The following TRARG1 variants were observed in gnomAD, a reference collection of about 807,000 sequenced individuals.
TRARG1 encodes trafficking regulator of GLUT4 (SLC2A4) 1 (gene/pseudogene).
In TRARG1, 16 loss-of-function variants were observed where a neutral mutation model predicts 13.3. That is an observed-to-expected ratio of 1.20 (90% CI 0.81 to 1.83). The LOEUF (loss-of-function observed/expected upper bound fraction) is 1.83. Among genes scored for constraint, TRARG1 ranks in the 40% most tolerant of loss-of-function variants. TRARG1 has a pLI of 0.00. For missense variants in TRARG1, 250 were observed against 237.4 expected (o/e 1.05, Z -0.35); for synonymous variants, 113 against 106.2 (o/e 1.06, Z -0.39).
chr17:1,293,763 G>A (rs1180190942), intron 1 of TRARG1, among the ~76,000 whole-genome samples: 2 of 152,148 alleles, frequency 1.3e-5, no homozygotes, highest in Non-Finnish European at 1.5e-5. Context: ...AGCTTGGAAT[G>A]GAAGTGCAGG....
rs374153659 is a variant in TRARG1 at position 1,289,742 on chromosome 17, A to G, written c.388-5749A>G. On this transcript the variant is annotated intron_variant, in intron 1 of 2. Transcript: ENST00000333813. ...TTCCATCTGCCCCTGGATGGCCTCA[A>G]TTGCATCCCCGTGTGACGACTCCTG... 3.4e-4 allele frequency among the ~76,000 whole-genome samples: 51 copies of G among 151,742 alleles called. 1 individual carries two copies. The East Asian group carries it at 9.6e-3, about 29-fold the overall frequency.
At position 1,280,257 on chromosome 17, in the gene TRARG1, G is replaced by T; in HGVS notation, c.256G>T (p.Ala86Ser). The T allele has an allele frequency of 6.2e-7, 1 of 1,614,068 alleles. No homozygotes were observed. Among genetic ancestry groups the T allele is most frequent in the Non-Finnish European group, 8.5e-7 (1 of 1,180,002 alleles). The change falls in exon 1 of 3, where the codon GCG (alanine) becomes TCG (serine). Residue 86 changes from alanine (A) to serine (S), a missense_variant. Transcript: ENST00000333813. ...RSPSRASSRR[A>S]SSIATTSYAQ... is the part of the protein sequence containing the mutation. ...CCCCTCCCGGGCCAGCTCAAGGAGG[G>T]CGTCCTCCATCGCCACCACCTCCTA...
In TRARG1 at chr17:1,286,469, T is replaced by C. The variant is rs866306858; in HGVS notation, c.387+6081T>C. Among the ~76,000 whole-genome samples, 155 of 123,692 alleles carry C rather than the reference T, an allele frequency of 1.3e-3. 1 individual carries two copies. Among genetic ancestry groups the C allele is most frequent in the African/African-American group, 4.6e-3 (144 of 31,490 alleles). The allele number at this position is 123,692 out of a possible 152,430, so 81.1% of individuals were successfully genotyped here. ...TGTGAGTTGTTATCGGCCTGTGGGG[T>C]GATGTTATCAGCCTGTGGGGTGTTT... On this transcript the variant is annotated intron_variant, in intron 1 of 2. Transcript: ENST00000333813.
intron 1 of TRARG1, among the ~76,000 whole-genome samples, chr17:1,284,114 C>CAA (rs747664490): frequency 2.4e-5 from 3 of 124,254 alleles, no homozygotes; most frequent in African/African-American, 9.2e-5. Flanking sequence ...GATTCTGTCT[C>CAA]AAAAAAAAAA....
chr17:1,291,643 C>G (rs2072070071), intron 1 of TRARG1, among the ~76,000 whole-genome samples: 1 of 152,126 alleles, frequency 6.6e-6, no homozygotes, highest in African/African-American at 2.4e-5. Flanking sequence ...ATGAATTGTT[C>G]TAACAGGTGG....
chr17:1,282,193 T>TATACAC (rs1458677132), intron 1 of TRARG1, among the ~76,000 whole-genome samples: 1,500 of 142,518 alleles, frequency 0.011, 46 homozygotes, highest in Middle Eastern at 0.027. Context: ...TATATGTACG[T>TATACAC]GTACACGTGC....
rs948187985 is a variant in TRARG1, at chr17:1,298,339, G to C, written c.*75G>C. 7 of 1,544,864 alleles carry C rather than the reference G, an allele frequency of 4.5e-6. No homozygotes were observed. The African/African-American group carries it at 9.6e-5, about 21-fold the overall frequency. On this transcript the variant is annotated 3_prime_UTR_variant, in exon 3 of 3. Transcript: ENST00000333813. ...AGCTCTGACCTGCACACCGCGGGAG[G>C]CCAGGGTGCTGACTGTCAAGCATCC...
chr17:1,280,518 A>G (rs62090190), intron 1 of TRARG1, 130 bp downstream of exon 1: 172,373 of 1,053,358 alleles, frequency 0.16, 15,095 homozygotes, highest in Admixed American at 0.24. Context: ...CTTGGGGAAG[A>G]CTCCTTTCCT....
At position 1,295,615 on chromosome 17, in the gene TRARG1, A is replaced by G; in HGVS notation, c.512A>G (p.Asn171Ser). 2 of 1,611,690 alleles carry G rather than the reference A, an allele frequency of 1.2e-6. No homozygotes were observed. The highest frequency in any genetic ancestry group is 1.7e-6 in the Non-Finnish European group (2 of 1,179,082). Residue 171 changes from asparagine to serine, a missense_variant, in exon 2 of 3, where the codon AAC becomes AGC. By Grantham distance (46) the Asn-to-Ser change is conservative. Transcript: ENST00000333813. ...ATTATCATGGTGGCCGTGACCGTCA[A>G]CTTCACAGGTGAGACCCAGCTCCTT... ...IVIIMVAVTVNFTVQKK is the reference protein window; with the variant it reads ...IVIIMVAVTVSFTVQKK
intron 1 of TRARG1, among the ~76,000 whole-genome samples, chr17:1,286,542 TGGGTGTTGTCAGCCTGTG>T (rs1164964217): frequency 0.024 from 2,496 of 104,476 alleles, 48 homozygotes; most frequent in African/African-American, 0.036. Context: ...TGTTGGCCTG[TGGGTGTTGTCAGCCTGTG>T]GGGTGTTGTC....
intron 2 of TRARG1, among the ~76,000 whole-genome samples, chr17:1,297,335 G>A (rs1237994971): frequency 6.6e-6 from 1 of 152,212 alleles, no homozygotes; most frequent in African/African-American, 2.4e-5. Flanking sequence ...GTTCAGCTGT[G>A]GGGCCGCCAG....
intron 1 of TRARG1, among the ~76,000 whole-genome samples, chr17:1,292,922 A>G (rs1196302402): frequency 6.6e-6 from 1 of 152,110 alleles, no homozygotes; most frequent in Admixed American, 6.6e-5. Flanking sequence ...GCCTGTTACA[A>G]ATACAGACAG....
intron 1 of TRARG1, among the ~76,000 whole-genome samples, chr17:1,282,252 GTA>G (rs2071985372): frequency 2.5e-5 from 3 of 118,520 alleles, no homozygotes; most frequent in Admixed American, 8.3e-5. Flanking sequence ...GCACGTATAT[GTA>G]CGTATATGTA....
At chr17:1,281,618 G>A (rs1299463599) in intron 1 of TRARG1, among the ~76,000 whole-genome samples, 2 of 152,162 alleles carry the variant, frequency 1.3e-5, no homozygotes, top group African/African-American at 4.8e-5. Flanking sequence ...GCCGGGCAGG[G>A]GCCTTCCGGG....
At chr17:1,284,916 G>A (rs956868551) in intron 1 of TRARG1, among the ~76,000 whole-genome samples, 4 of 151,854 alleles carry the variant, frequency 2.6e-5, no homozygotes, top group Non-Finnish European at 4.4e-5. Flanking sequence ...TCCTGACCTC[G>A]TGATCCACCC....
At chr17:1,286,966 GC>G (rs985715100) in intron 1 of TRARG1, among the ~76,000 whole-genome samples, 2 of 151,996 alleles carry the variant, frequency 1.3e-5, no homozygotes, top group Non-Finnish European at 1.5e-5. Context: ...TGGCAGAGTT[GC>G]TGTGAGAGCA....
In TRARG1 at chr17:1,280,360, A is replaced by G. The variant is rs1382500698; in HGVS notation, c.359A>G (p.Asn120Ser). 6 of 1,607,156 alleles carry G rather than the reference A, an allele frequency of 3.7e-6. No homozygotes were observed. The African/African-American group carries it at 8.0e-5, about 22-fold the overall frequency. The part of the protein sequence containing the change: ...VACFCPVWPL[N>S]LIPLIISIMS... ...TGCTTCTGCCCCGTCTGGCCCCTCA[A>G]CCTCATCCCCCTCATCATTTCCATC... Residue 120 changes from asparagine (N) to serine (S), a missense_variant, in exon 1 of 3, where the codon AAC (asparagine) becomes AGC (serine). Transcript: ENST00000333813.
intron 2 of TRARG1, 129 bp downstream of exon 2, chr17:1,295,752 C>G (rs1444139001): frequency 1.8e-6 from 2 of 1,089,670 alleles, no homozygotes; most frequent in African/African-American, 3.2e-5. Flanking sequence ...GGGCCCCGGC[C>G]TTATCCTCCC....
intron 1 of TRARG1, among the ~76,000 whole-genome samples, chr17:1,284,541 G>T (rs541163982): frequency 3.3e-5 from 5 of 152,204 alleles, no homozygotes; most frequent in Admixed American, 3.3e-4. Flanking sequence ...AGGGCCAGAG[G>T]TGGCTCTGAA....
Sources: allele counts gnomAD v4.1 joint callset (sites outside exome capture counted in the v4.1 genomes callset), GRCh38; gene constraint gnomAD v4.1.1; transcripts MANE v1.5; gene names NCBI Gene and HGNC (gene_info 2026-07-23, HGNC 2026-07-21).